SCHIP1: variants seen among roughly 807,000 people sequenced by gnomAD.
The protein encoded by SCHIP1 is schwannomin interacting protein 1, also known as schwannomin-interacting protein 1.
A neutral mutation model predicts 29.7 loss-of-function variants in SCHIP1; 8 were observed. That is an observed-to-expected ratio of 0.27 (90% confidence interval 0.16 to 0.49). The LOEUF (loss-of-function observed/expected upper bound fraction) is 0.49. Ranked by LOEUF, SCHIP1 falls within the 20% of genes least tolerant of loss-of-function variation. SCHIP1 has a pLI of 0.99. For synonymous variants in SCHIP1, 76 were observed against 94.9 expected (o/e 0.80, Z 1.16); for missense variants, 193 against 294.6 (o/e 0.66, Z 2.52).
chr3:159,289,155 C>T, the SCHIP1 span, among the ~76,000 whole-genome samples: 1 of 152,202 alleles, frequency 6.6e-6, no homozygotes, highest in Non-Finnish European at 1.5e-5. Context: ...TCACCTTCAT[C>T]ACTACCATAG....
chr3:159,429,826 G>A, the SCHIP1 span, among the ~76,000 whole-genome samples: 1 of 152,122 alleles, frequency 6.6e-6, no homozygotes, highest in Non-Finnish European at 1.5e-5. Flanking sequence ...CACAGATAAA[G>A]CCTCTGAAGA....
Position 159,846,470 on chromosome 3 carries a change from G to A in SCHIP1, c.30+6256G>A, listed in dbSNP as rs570951021. Among the ~76,000 whole-genome samples the A allele has an allele frequency of 2.4e-4, 37 of 152,160 alleles. No homozygotes were observed. The South Asian group carries it at 7.3e-3, about 30-fold the overall frequency. ...AAAGCAAATATATTCTATCCCTATC[G>A]ACACCAGGACAAGTGAGGACTAGTC... On this transcript the variant is annotated intron_variant, in intron 1 of 6. Coordinates refer to ENST00000445224, the Ensembl canonical transcript of SCHIP1.
chr3:159,897,155 A>C (rs1009304016), exon 7 of SCHIP1: 3 of 156,834 alleles, frequency 1.9e-5, no homozygotes, highest in African/African-American at 7.2e-5. Flanking sequence ...TGACGGTGCT[A>C]TACAAGTCAA....
At chr3:159,894,994 G>T (rs1717917534) in intron 6 of SCHIP1, among the ~76,000 whole-genome samples, 1 of 152,148 alleles carries the variant, frequency 6.6e-6, no homozygotes, top group Admixed American at 6.5e-5. Context: ...GCATGAGCAT[G>T]TACATAGTAG....
At chr3:159,283,210 T>C in the SCHIP1 span, among the ~76,000 whole-genome samples, 1 of 152,206 alleles carries the variant, frequency 6.6e-6, no homozygotes, top group African/African-American at 2.4e-5. Context: ...TGGAATGCAG[T>C]GGTATGATCT....
At chr3:159,348,032 C>T in the SCHIP1 span, among the ~76,000 whole-genome samples, 2 of 152,104 alleles carry the variant, frequency 1.3e-5, no homozygotes, top group African/African-American at 2.4e-5. Flanking sequence ...TAAGAAATGA[C>T]AGGCTCAGCA....
chr3:159,805,595 AGT>A, the SCHIP1 span, among the ~76,000 whole-genome samples: 12 of 152,270 alleles, frequency 7.9e-5, no homozygotes, highest in East Asian at 1.5e-3. Flanking sequence ...TGTCATCCAC[AGT>A]GTGTCTTTCT....
chr3:159,399,360 T>G, the SCHIP1 span, among the ~76,000 whole-genome samples: 1 of 152,208 alleles, frequency 6.6e-6, no homozygotes, highest in Non-Finnish European at 1.5e-5. Context: ...ATTCATGATA[T>G]TTATTGCTTA....
At chr3:159,585,838 A>G in the SCHIP1 span, among the ~76,000 whole-genome samples, 13 of 152,146 alleles carry the variant, frequency 8.5e-5, no homozygotes, top group Non-Finnish European at 1.6e-4. Context: ...AGCATTTAGA[A>G]TGTTTTATCA....
chr3:159,297,600 A>G, the SCHIP1 span, among the ~76,000 whole-genome samples: 1 of 152,078 alleles, frequency 6.6e-6, no homozygotes, highest in Non-Finnish European at 1.5e-5. Context: ...TGATGGTAAA[A>G]TGTTTTTTTA....
chr3:159,548,575 C>T, the SCHIP1 span, among the ~76,000 whole-genome samples: 2 of 151,926 alleles, frequency 1.3e-5, no homozygotes, highest in South Asian at 4.1e-4. Context: ...TCTCACAGAT[C>T]TCTGAAGCTC....
chr3:159,673,944 C>G, the SCHIP1 span, among the ~76,000 whole-genome samples: 1 of 152,276 alleles, frequency 6.6e-6, no homozygotes, highest in Middle Eastern at 3.4e-3. Context: ...GTATGCTGCT[C>G]TCTCCTCCTG....
the SCHIP1 span, among the ~76,000 whole-genome samples, chr3:159,300,386 T>G: frequency 6.6e-6 from 1 of 152,042 alleles, no homozygotes; most frequent in East Asian, 1.9e-4. Flanking sequence ...ATCTGCATTT[T>G]TAACCAACAC....
At chr3:159,656,904 C>G in the SCHIP1 span, among the ~76,000 whole-genome samples, 1 of 152,182 alleles carries the variant, frequency 6.6e-6, no homozygotes, top group African/African-American at 2.4e-5. Context: ...TCCACCCATC[C>G]TCTTCTGTTG....
the SCHIP1 span, among the ~76,000 whole-genome samples, chr3:159,736,664 A>G: frequency 6.6e-6 from 1 of 152,122 alleles, no homozygotes; most frequent in Non-Finnish European, 1.5e-5. Flanking sequence ...AGTTCAGTCT[A>G]CTGCATGCCT....
the SCHIP1 span, among the ~76,000 whole-genome samples, chr3:159,348,962 A>G: frequency 6.6e-6 from 1 of 152,210 alleles, no homozygotes; most frequent in African/African-American, 2.4e-5. Context: ...TCTACTCAAC[A>G]TAGGTATGAA....
chr3:159,338,330 G>C, the SCHIP1 span, among the ~76,000 whole-genome samples: 1 of 152,176 alleles, frequency 6.6e-6, no homozygotes, highest in African/African-American at 2.4e-5. Context: ...GTCAAACCCT[G>C]CAGAAACCTC....
chr3:159,608,794 T>G, the SCHIP1 span, among the ~76,000 whole-genome samples: 1 of 152,178 alleles, frequency 6.6e-6, no homozygotes, highest in African/African-American at 2.4e-5. Context: ...AGTACTTGGT[T>G]GTTTAAGGAT....
the SCHIP1 span, among the ~76,000 whole-genome samples, chr3:159,679,882 C>T: frequency 1.3e-5 from 2 of 152,138 alleles, no homozygotes; most frequent in Non-Finnish European, 2.9e-5. Flanking sequence ...ACACATTCAG[C>T]CCAGGGCCTT....
Sources: gnomAD v4.1 joint callset for allele counts (sites outside exome capture counted in the v4.1 genomes callset) on GRCh38, gnomAD v4.1.1 for gene constraint, MANE v1.5 for transcripts, NCBI Gene and HGNC (gene_info 2026-07-23, HGNC 2026-07-21) for gene names.